Variants in COL6A2 observed in about 807,000 individuals in gnomAD.
The protein encoded by COL6A2 is collagen type VI alpha 2 chain, also known as collagen alpha-2(VI) chain.
In COL6A2, 90 loss-of-function variants were observed where a neutral mutation model predicts 124.9. That is an observed-to-expected ratio of 0.72 (90% CI 0.61 to 0.86). The LOEUF (loss-of-function observed/expected upper bound fraction) is 0.86. Ranked by LOEUF, COL6A2 falls within the 40% of genes least tolerant of loss-of-function variation. The pLI is 0.00. For missense variants in COL6A2, 1,607 were observed against 1,502.5 expected, an observed-to-expected ratio of 1.07 and a Z score of -1.15; for synonymous variants, 793 against 618.2, an observed-to-expected ratio of 1.28 and a Z score of -4.19.
rs1251319042 is a variant in COL6A2, at chr21:46,125,524, A to T, written c.1876A>T (p.Ile626Phe). ...CTTCGTCATCGACAGCTCCGAGAGC[A>T]TTGGGTACACCAACTTCACACTGGA... ...VVFVIDSSES[I>F]GYTNFTLEKN... The change falls in exon 25 of 28, where the codon ATT (isoleucine) becomes TTT (phenylalanine). Residue 626 changes from isoleucine to phenylalanine, a missense_variant. By Grantham distance (21) the Ile-to-Phe change is conservative (BLOSUM62 0). Coordinates refer to ENST00000300527, the MANE Select transcript of COL6A2 (RefSeq NM_001849.4). 2 of 1,612,828 alleles carry T rather than the reference A, an allele frequency of 1.2e-6. No homozygotes were observed. Among genetic ancestry groups the T allele is most frequent in the Non-Finnish European group, 1.7e-6 (2 of 1,179,956 alleles).
chr21:46,110,547 T>C (rs2123609733), intron 1 of COL6A2, among the ~76,000 whole-genome samples: 1 of 152,290 alleles, frequency 6.6e-6, no homozygotes, highest in South Asian at 2.1e-4. Flanking sequence ...AGGTCTGGCC[T>C]GGGTCACCTC....
intron 1 of COL6A2, among the ~76,000 whole-genome samples, chr21:46,110,094 G>T (rs1052625773): frequency 6.6e-6 from 1 of 152,150 alleles, no homozygotes; most frequent in African/African-American, 2.4e-5. Flanking sequence ...AGGGTCTCCA[G>T]ACCTGGGCCA....
chr21:46,125,907 G>T lies in COL6A2; in HGVS notation c.2092G>T (p.Ala698Ser). 2 of 1,613,160 alleles carry T rather than the reference G, an allele frequency of 1.2e-6. No individual in the cohort carries two copies. Among genetic ancestry groups the T allele is most frequent in the South Asian group, 2.2e-5 (2 of 91,078 alleles). Residue 698 changes from alanine (A) to serine (S), a missense_variant, in exon 26 of 28, where the codon GCG becomes TCG. By Grantham distance (99) the Ala-to-Ser change is moderately conservative. Around this residue, in one of 3 missense-constraint regions of COL6A2, gnomAD observed 1,223 missense variants for 1,052.2 expected, o/e 1.16. Transcript: ENST00000300527. ...KEAVKNLEWI[A>S]GGTWTPSALK... is the part of the protein sequence containing the mutation. ...GGCTGTCAAGAACCTCGAGTGGATT[G>T]CGGGCGGCACCTGGACACCCTCAGC...
intron 27 of COL6A2, 75 bp downstream of exon 27, chr21:46,126,616 G>T: frequency 6.3e-7 from 1 of 1,581,398 alleles, no homozygotes; most frequent in Non-Finnish European, 8.7e-7. Flanking sequence ...CGAGGGCCGG[G>T]CTGGGGGAGG....
At chr21:46,105,282 A>T (rs1033704490) in intron 1 of COL6A2, among the ~76,000 whole-genome samples, 1 of 152,168 alleles carries the variant, frequency 6.6e-6, no homozygotes, top group African/African-American at 2.4e-5. Flanking sequence ...ACTACTGGGG[A>T]GGCTGAGGTG....
intron 4 of COL6A2, chr21:46,113,030 C>G (rs755973638): frequency 3.8e-5 from 25 of 654,940 alleles, no homozygotes; most frequent in Admixed American, 3.5e-4. Flanking sequence ...TGAGGGTCAG[C>G]GTTAGGGTCA....
At chr21:46,117,558 GCAGCCCAGCAGCCCCAGCCCAGCAGCCC>G in intron 11 of COL6A2, 105 bp downstream of exon 11, 1 of 1,123,050 alleles carries the variant, frequency 8.9e-7, no homozygotes, top group South Asian at 1.3e-5. Context: ...GGTTCTCCCG[GCAGCCCAGCAGCCCCAGCCCAGCAGCCC>G]CAGCCCAGCA....
rs2078780160 is a variant in COL6A2 at position 46,132,720 on chromosome 21, G to GCCCCAGGTCT, written c.*176_*185dup. On this transcript the variant is annotated 3_prime_UTR_variant, in exon 28 of 28. Coordinates refer to ENST00000300527, the MANE Select transcript of COL6A2 (RefSeq NM_001849.4). ...TCCCCGTAGCCCCGGCCCCCGCCCA[G>GCCCCAGGTCT]CCCCAGGTCTCCCCAGGCCCTCCGC... The GCCCCAGGTCT allele has an allele frequency of 2.9e-6, 2 of 688,598 alleles. No individual in the cohort carries two copies. Among genetic ancestry groups the GCCCCAGGTCT allele is most frequent in the East Asian group, 2.8e-5 (1 of 35,814 alleles). 42.7% of individuals were successfully genotyped at this position (688,598 alleles called of 1,614,324 possible). A position where few individuals can be genotyped will look rare whatever the true frequency, so the allele number is the denominator to read the frequency against.
chr21:46,112,019 C>T lies in COL6A2; in HGVS notation c.156C>T (p.Asp52=). The T allele has an allele frequency of 1.2e-6, 2 of 1,612,860 alleles. No individual in the cohort carries two copies. The highest frequency in any genetic ancestry group is 1.3e-5 in the African/African-American group (1 of 75,038). Residue 52 remains aspartate, a synonymous_variant, in exon 3 of 28, where the codon GAC becomes GAT. Transcript: ENST00000300527. ...DCPIHVYFVL[D]TSESVTMQSP... ...CCATCCACGTGTACTTCGTGCTGGA[C>T]ACCTCGGAGAGCGTCACCATGCAGT...
rs557865000 is a variant in COL6A2, at chr21:46,126,069, G to A, written c.2254G>A (p.Val752Ile). The A allele has an allele frequency of 3.4e-5, 55 of 1,612,978 alleles. No individual in the cohort carries two copies. The highest frequency in any genetic ancestry group is 1.3e-4 in the East Asian group (6 of 44,868). The part of the protein sequence containing the change: ...LNLRALCDRD[V>I]TVTAIGIGDM... ...CTTGCGGGCGCTGTGCGACCGCGAC[G>A]TCACAGTGACGGCCATCGGCATCGG... The change falls in exon 26 of 28, where the codon GTC becomes ATC. Residue 752 changes from valine (V) to isoleucine (I), a missense_variant. Val to Ile is a conservative substitution (Grantham distance 29). Coordinates refer to ENST00000300527, the MANE Select transcript of COL6A2 (RefSeq NM_001849.4).
intron 1 of COL6A2, among the ~76,000 whole-genome samples, chr21:46,107,153 A>T (rs1483050388): frequency 6.6e-6 from 1 of 152,134 alleles, no homozygotes; most frequent in Non-Finnish European, 1.5e-5. Context: ...ACTAGTGTAA[A>T]TAGCATTTTT....
At chr21:46,131,808 C>G (rs2078763481) in intron 27 of COL6A2, 146 bp from the exon 28 acceptor site, 1 of 751,548 alleles carries the variant, frequency 1.3e-6, no homozygotes, top group South Asian at 1.7e-5. Context: ...ACACCCAGGG[C>G]TGCCCTGCAG....
At chr21:46,099,907 T>C (rs2078270467) in intron 1 of COL6A2, among the ~76,000 whole-genome samples, 1 of 147,492 alleles carries the variant, frequency 6.8e-6, no homozygotes, top group Non-Finnish European at 1.5e-5. Flanking sequence ...TTTTTTTTTT[T>C]TTTTTCTCAT....
chr21:46,104,075 A>C (rs1444551201), intron 1 of COL6A2, among the ~76,000 whole-genome samples: 1 of 152,228 alleles, frequency 6.6e-6, no homozygotes, highest in Non-Finnish European at 1.5e-5. Context: ...AGACAGCAAC[A>C]ATCAAAATTA....
chr21:46,127,388 C>G (rs1020746244), intron 27 of COL6A2, among the ~76,000 whole-genome samples: 7 of 152,134 alleles, frequency 4.6e-5, no homozygotes, highest in Admixed American at 3.3e-4. Context: ...TGAGCACATT[C>G]ACAGGCCCTG....
Position 46,117,388 on chromosome 21 carries a change from C to T in COL6A2, c.1000-12C>T. 1 of 1,612,508 alleles carries T rather than the reference C, an allele frequency of 6.2e-7. No homozygotes were observed. Among genetic ancestry groups the T allele is most frequent in the Non-Finnish European group, 8.5e-7 (1 of 1,179,776 alleles). On this transcript the variant is annotated splice_polypyrimidine_tract_variant and intron_variant, in intron 10 of 27. Coordinates refer to ENST00000300527, the MANE Select transcript of COL6A2 (RefSeq NM_001849.4). ...CCCGCCCTGAGACTCCTCCTGCCCC[C>T]TTCTCCTTCAGGGCAAGCTGGGGCG...
rs750097119 is a variant in COL6A2, at chr21:46,132,371, C to T, written c.2879C>T (p.Ser960Leu). 25 of 1,609,098 alleles carry T rather than the reference C, an allele frequency of 1.6e-5. No homozygotes were observed. The highest frequency in any genetic ancestry group is 9.9e-5 in the South Asian group (9 of 91,066). ...GVTGNDSLHESAHSMRKQNVV... is the reference protein window; with the variant it reads ...GVTGNDSLHELAHSMRKQNVV... ...ACGGGCAACGACAGTCTGCACGAGT[C>T]GGCGCACTCCATGCGCAAGCAGAAC... Residue 960 changes from serine to leucine, a missense_variant, in exon 28 of 28, where the codon TCG becomes TTG. By Grantham distance (145) the Ser-to-Leu change is moderately radical. Around this residue, in one of 3 missense-constraint regions of COL6A2, gnomAD observed 1,223 missense variants for 1,052.2 expected, o/e 1.16. Transcript: ENST00000300527.
At position 46,129,507 on chromosome 21, in the gene COL6A2, C is replaced by G. The variant is rs367879218; in HGVS notation, c.2462-2447C>G. 106 of 1,546,650 alleles carry G rather than the reference C, an allele frequency of 6.9e-5. No homozygotes were observed. In the African/African-American group the frequency reaches 1.1e-3, roughly 16 times the overall value. On this transcript the variant is annotated intron_variant, in intron 27 of 27. Coordinates refer to ENST00000300527, the MANE Select transcript of COL6A2 (RefSeq NM_001849.4). ...CCTCTGCTAAAGCCCGGGCACCCGC[C>G]CAGCCGGGCTGGGCCCTCCCTGCCA... is the stretch of plus-strand genomic sequence containing the variant.
chr21:46,111,394 A>G, intron 1 of COL6A2, 56 bp from the exon 2 acceptor site: 2 of 974,682 alleles, frequency 2.1e-6, no homozygotes, highest in Non-Finnish European at 3.2e-6. Context: ...GCCATGGGGG[A>G]GGGTGCCAGG....
Sources: gnomAD v4.1 joint callset for allele counts (sites outside exome capture counted in the v4.1 genomes callset) on GRCh38, gnomAD v4.1.1 for gene constraint, gnomAD v4.1.1 regional missense constraint, MANE v1.5 for transcripts, NCBI Gene and HGNC (gene_info 2026-07-23, HGNC 2026-07-21) for gene names.